The following TBC1D1 variants were observed in gnomAD, a reference collection of about 807,000 sequenced individuals.
The protein encoded by TBC1D1 is TBC1 (tre-2/USP6, BUB2, cdc16) domain family, member 1.
A neutral mutation model predicts 125.6 loss-of-function variants in TBC1D1; 89 were observed. That is an observed-to-expected ratio of 0.71 (90% confidence interval 0.60 to 0.85). The LOEUF (loss-of-function observed/expected upper bound fraction) is 0.85, where lower values mean the gene tolerates loss of function less well. Ranked by LOEUF, TBC1D1 falls within the 40% of genes least tolerant of loss-of-function variation. The probability of loss-of-function intolerance (pLI) is 0.00; values close to 1 mark genes in which losing one functional copy is unlikely to be tolerated. For missense variants in TBC1D1, 1,377 were observed against 1,469.2 expected (o/e 0.94, Z 1.03); for synonymous variants, 565 against 564.1 (o/e 1.00, Z -0.02).
At chr4:38,137,099 G>A (rs758247013) in intron 19 of TBC1D1, 36 bp from the exon 22 acceptor site, 2 of 1,611,802 alleles carry the variant, frequency 1.2e-6, no homozygotes, top group Non-Finnish European at 1.7e-6. Flanking sequence ...TGTTAGCACT[G>A]GCAATTGTAT....
chr4:38,075,545 T>A (rs1755441668), intron 12 of TBC1D1, among the ~76,000 whole-genome samples: 1 of 152,198 alleles, frequency 6.6e-6, no homozygotes, highest in African/African-American at 2.4e-5. Flanking sequence ...AACTTTTTGT[T>A]TCATCTTGAG....
intron 19 of TBC1D1, among the ~76,000 whole-genome samples, chr4:38,136,882 A>G (rs1766716879): frequency 6.6e-6 from 1 of 152,108 alleles, no homozygotes; most frequent in Non-Finnish European, 1.5e-5. Flanking sequence ...CCATCTCAGC[A>G]TCGGCTTCCA....
At chr4:38,114,874 A>C (rs977554085) in intron 15 of TBC1D1, among the ~76,000 whole-genome samples, 3 of 152,118 alleles carry the variant, frequency 2.0e-5, no homozygotes, top group Non-Finnish European at 4.4e-5. Context: ...TATAGTTTGA[A>C]AGTACGGAGA....
chr4:38,088,649 T>A (rs1185932619), intron 12 of TBC1D1, among the ~76,000 whole-genome samples: 3 of 152,170 alleles, frequency 2.0e-5, no homozygotes, highest in African/African-American at 7.2e-5. Context: ...GAGCTATTTT[T>A]TTTATTGTGT....
At chr4:38,029,263 TG>T (rs1436550151) in intron 7 of TBC1D1, among the ~76,000 whole-genome samples, 1 of 152,148 alleles carries the variant, frequency 6.6e-6, no homozygotes, top group Non-Finnish European at 1.5e-5. Flanking sequence ...AGCTAGCAAC[TG>T]GGTGGGTTTA....
chr4:37,937,400 G>A (rs1724614994), intron 2 of TBC1D1, among the ~76,000 whole-genome samples: 1 of 152,052 alleles, frequency 6.6e-6, no homozygotes, highest in Non-Finnish European at 1.5e-5. Flanking sequence ...AAATGCTTAC[G>A]ATAAAAATTC....
In TBC1D1 at chr4:38,137,407, GGAAGGAGA is replaced by G. The variant is rs1766831802; in HGVS notation, c.*79_*86del. On this transcript the variant is annotated 3_prime_UTR_variant, in exon 20 of 20. Coordinates refer to ENST00000261439, the MANE Select transcript of TBC1D1 (RefSeq NM_015173.4). The stretch of plus-strand genomic sequence containing the variant: ...TTAACTGAGAGGGACAGAAGACGCT[GGAAGGAGA>G]GAAGGAAGCGGGAAGTGTGCTTCTC... 3.7e-6 allele frequency: 5 copies of G among 1,360,158 alleles called. No homozygotes were observed. In the Admixed American group the frequency reaches 1.5e-4, roughly 40 times the overall value. The allele number at this position is 1,360,158 out of a possible 1,614,324, so 84.3% of individuals were successfully genotyped here.
rs764427481 is a variant in TBC1D1, at chr4:38,115,752, G to A, written c.2600G>A (p.Gly867Glu). 3 of 1,613,992 alleles carry A rather than the reference G, an allele frequency of 1.9e-6. No homozygotes were observed. The Admixed American group carries it at 5.0e-5, about 27-fold the overall frequency. Residue 867 changes from glycine (G) to glutamate (E), a missense_variant, in exon 16 of 20, where the codon GGA (glycine) becomes GAA (glutamate). Physicochemically the swap from Gly to Glu is moderately conservative, Grantham distance 98 (BLOSUM62 -2). Coordinates refer to ENST00000261439, the MANE Select transcript of TBC1D1 (RefSeq NM_015173.4). ...CACCCATACTTCTCTGCCCAGCTTG[G>A]AGCAGGACAGCTATCGCTTTACAAC...
At chr4:38,035,737 C>T (rs1167781309) in intron 8 of TBC1D1, 39 bp downstream of exon 8, 1 of 1,441,738 alleles carries the variant, frequency 6.9e-7, no homozygotes, top group Admixed American at 1.8e-5. Flanking sequence ...TGCCAAGTCT[C>T]TGCCAAGTCT....
At chr4:37,978,404 CTGGTT>C (rs1733685959) in intron 2 of TBC1D1, among the ~76,000 whole-genome samples, 3 of 152,190 alleles carry the variant, frequency 2.0e-5, no homozygotes, top group African/African-American at 7.2e-5. Flanking sequence ...CTGTGTATGG[CTGGTT>C]GAGTAATAAG....
chr4:38,109,506 A>C (rs1761890707), intron 15 of TBC1D1, among the ~76,000 whole-genome samples: 1 of 152,152 alleles, frequency 6.6e-6, no homozygotes, highest in Non-Finnish European at 1.5e-5. Flanking sequence ...CACCCCTCAG[A>C]GGAAGCCCTT....
chr4:37,987,006 C>T (rs1024331149), intron 2 of TBC1D1, among the ~76,000 whole-genome samples: 5 of 152,124 alleles, frequency 3.3e-5, no homozygotes, highest in Admixed American at 2.6e-4. Flanking sequence ...CAGTGACCCA[C>T]CCATTCACTG....
rs117057592 is a variant in TBC1D1 at position 38,049,396 on chromosome 4, C to T, written c.1630-222C>T. Among the ~76,000 whole-genome samples the T allele has an allele frequency of 1.6e-4, 25 of 152,284 alleles. No homozygotes were observed. The East Asian group carries it at 4.8e-3, about 29-fold the overall frequency. On this transcript the variant is annotated intron_variant, in intron 10 of 19. Coordinates refer to ENST00000261439, the MANE Select transcript of TBC1D1 (RefSeq NM_015173.4). ...TATGTCCTTCACTCCTGCACTTGGC[C>T]AGTCTCCCCATTTCTCCAGCAAGCC... is the stretch of plus-strand genomic sequence containing the variant.
At chr4:38,083,737 A>C (rs1032118804) in intron 12 of TBC1D1, among the ~76,000 whole-genome samples, 1 of 152,190 alleles carries the variant, frequency 6.6e-6, no homozygotes, top group Admixed American at 6.5e-5. Flanking sequence ...ACCTGGCTCC[A>C]GGGCCCATGC....
intron 2 of TBC1D1, among the ~76,000 whole-genome samples, chr4:37,908,165 G>C (rs564303519): frequency 4.2e-4 from 64 of 152,226 alleles, no homozygotes; most frequent in African/African-American, 1.5e-3. Flanking sequence ...CAGAGTGTGT[G>C]CCGGGCCCAG....
At chr4:37,989,293 GATA>G (rs1443621369) in intron 2 of TBC1D1, among the ~76,000 whole-genome samples, 1 of 152,168 alleles carries the variant, frequency 6.6e-6, no homozygotes, top group African/African-American at 2.4e-5. Context: ...CAGATCTTTA[GATA>G]ATAACGCTTT....
At chr4:37,914,779 C>T (rs1719361528) in intron 2 of TBC1D1, among the ~76,000 whole-genome samples, 1 of 152,196 alleles carries the variant, frequency 6.6e-6, no homozygotes, top group Non-Finnish European at 1.5e-5. Context: ...ATTGCTCAAA[C>T]ATGACAACCT....
intron 10 of TBC1D1, among the ~76,000 whole-genome samples, chr4:38,047,888 A>T (rs1749791906): frequency 6.6e-6 from 1 of 152,184 alleles, no homozygotes; most frequent in South Asian, 2.1e-4. Flanking sequence ...CCATGAAGAC[A>T]TTCATGTCAC....
At chr4:37,914,712 C>T (rs576880477) in intron 2 of TBC1D1, among the ~76,000 whole-genome samples, 1 of 152,318 alleles carries the variant, frequency 6.6e-6, no homozygotes, top group African/African-American at 2.4e-5. Flanking sequence ...ATCATGTAGA[C>T]TTCATCTCCC....
Sources: allele counts gnomAD v4.1 joint callset (sites outside exome capture counted in the v4.1 genomes callset), GRCh38; gene constraint gnomAD v4.1.1; transcripts MANE v1.5; gene names NCBI Gene and HGNC (gene_info 2026-07-23, HGNC 2026-07-21).